Variants in MEF2C observed in about 807,000 individuals in gnomAD.
MEF2C encodes myocyte-specific enhancer factor 2C.
In MEF2C, 6 loss-of-function variants were observed where a neutral mutation model predicts 50.5. That is an observed-to-expected ratio of 0.12 (90% CI 0.07 to 0.23). The LOEUF is 0.23. MEF2C is among the 10% of genes least tolerant of loss of function. MEF2C has a pLI of 1.00. For missense variants in MEF2C, 276 were observed against 605.0 expected, an observed-to-expected ratio of 0.46 and a Z score of 5.70; for synonymous variants, 183 against 228.0, an observed-to-expected ratio of 0.80 and a Z score of 1.78.
intron 6 of MEF2C, chr5:88,738,257 G>A: frequency 1.0e-6 from 1 of 985,280 alleles, no homozygotes. Context: ...GGCAGTCATT[G>A]ACAATCTTAC....
At chr5:88,881,550 T>C (rs553254083) in intron 1 of MEF2C, among the ~76,000 whole-genome samples, 5 of 152,328 alleles carry the variant, frequency 3.3e-5, no homozygotes, top group Non-Finnish European at 7.4e-5. Context: ...TTAGAGATTG[T>C]TGATCTATTT....
chr5:88,746,027 G>A (rs977602579), intron 6 of MEF2C, among the ~76,000 whole-genome samples: 6 of 152,196 alleles, frequency 3.9e-5, no homozygotes, highest in African/African-American at 1.2e-4. Context: ...CTGGAGGGCC[G>A]GGTTCTTGAT....
intron 3 of MEF2C, among the ~76,000 whole-genome samples, chr5:88,789,054 A>G (rs939943183): frequency 6.6e-6 from 1 of 152,216 alleles, no homozygotes; most frequent in African/African-American, 2.4e-5. Flanking sequence ...TTATGATTAA[A>G]TAGTAATATG....
At chr5:88,864,315 GTTA>G (rs1306512554) in intron 1 of MEF2C, among the ~76,000 whole-genome samples, 2 of 151,248 alleles carry the variant, frequency 1.3e-5, no homozygotes, top group Admixed American at 6.6e-5. Flanking sequence ...AATATATACA[GTTA>G]TTATATGTTA....
chr5:88,727,138 T>C (rs190961183), intron 10 of MEF2C, among the ~76,000 whole-genome samples: 1 of 152,264 alleles, frequency 6.6e-6, no homozygotes, highest in East Asian at 1.9e-4. Flanking sequence ...TTGGTGATAA[T>C]TACCTGAAGA....
intron 10 of MEF2C, among the ~76,000 whole-genome samples, chr5:88,727,674 T>A (rs1190088346): frequency 6.6e-6 from 1 of 152,184 alleles, no homozygotes; most frequent in African/African-American, 2.4e-5. Context: ...TATCTTTAAA[T>A]ATTTTATATC....
chr5:88,722,424 T>G lies in MEF2C; in HGVS notation c.*180A>C. 1.7e-6 allele frequency: 1 copy of G among 573,228 alleles called. No homozygotes were observed. Among genetic ancestry groups the G allele is most frequent in the Middle Eastern group, 4.6e-4 (1 of 2,178 alleles). The allele number at this position is 573,228 out of a possible 1,614,324, so 35.5% of individuals were successfully genotyped here. A position where few individuals can be genotyped will look rare whatever the true frequency, so the allele number is the denominator to read the frequency against. On this transcript the variant is annotated 3_prime_UTR_variant, in exon 11 of 11. Coordinates refer to ENST00000504921, the MANE Select transcript of MEF2C (RefSeq NM_002397.5). ...AGTGCTAAGCTTATCTCAGCATTTC[T>G]GTTTATCTTTATACTGTATCACTGA...
intron 1 of MEF2C, among the ~76,000 whole-genome samples, chr5:88,891,436 C>T (rs1467797942): frequency 4.7e-5 from 6 of 128,504 alleles, no homozygotes; most frequent in South Asian, 4.9e-4. Flanking sequence ...CTCGCTCTGT[C>T]GCCCAGGCTT....
intron 3 of MEF2C, among the ~76,000 whole-genome samples, chr5:88,769,092 AG>A (rs1430912467): frequency 6.6e-6 from 1 of 152,224 alleles, no homozygotes; most frequent in Non-Finnish European, 1.5e-5. Flanking sequence ...AAGAGAAAAA[AG>A]GGAGTGATAT....
At chr5:88,778,098 C>T (rs568221211) in intron 3 of MEF2C, among the ~76,000 whole-genome samples, 3 of 151,058 alleles carry the variant, frequency 2.0e-5, no homozygotes, top group South Asian at 2.1e-4. Flanking sequence ...TTAGTAGAGA[C>T]GGGGTTTCAC....
intron 4 of MEF2C, chr5:88,752,623 T>G: frequency 2.0e-6 from 2 of 985,254 alleles, no homozygotes; most frequent in Non-Finnish European, 2.4e-6. Context: ...CATTCAATAA[T>G]TCACATTTTG....
At chr5:88,786,002 C>T (rs1325536600) in intron 3 of MEF2C, among the ~76,000 whole-genome samples, 1 of 152,150 alleles carries the variant, frequency 6.6e-6, no homozygotes, top group African/African-American at 2.4e-5. Context: ...TATTCCACGC[C>T]TATTCCTCTC....
At chr5:88,892,903 G>A (rs1166584116) in intron 1 of MEF2C, among the ~76,000 whole-genome samples, 1 of 152,162 alleles carries the variant, frequency 6.6e-6, no homozygotes, top group Non-Finnish European at 1.5e-5. Context: ...TGGCAACTGG[G>A]TTGGGCAAAA....
intron 6 of MEF2C, chr5:88,739,346 AAAAT>A: frequency 6.1e-6 from 6 of 984,880 alleles, no homozygotes; most frequent in Non-Finnish European, 6.0e-6. Flanking sequence ...CTTTAAAAAA[AAAAT>A]AAAGCAATTT....
At chr5:88,854,495 G>A (rs1822552221) in intron 1 of MEF2C, among the ~76,000 whole-genome samples, 1 of 152,182 alleles carries the variant, frequency 6.6e-6, no homozygotes, top group Admixed American at 6.5e-5. Flanking sequence ...TTCTCTGAAA[G>A]TCAGATGTGG....
At chr5:88,769,255 G>T (rs115567455) in intron 3 of MEF2C, among the ~76,000 whole-genome samples, 564 of 152,270 alleles carry the variant, frequency 3.7e-3, no homozygotes, top group African/African-American at 0.013. Flanking sequence ...CCCCATTCTT[G>T]GATGCTAGTC....
intron 3 of MEF2C, chr5:88,771,562 T>C (rs1782437744): frequency 1.0e-6 from 1 of 985,448 alleles, no homozygotes; most frequent in Non-Finnish European, 1.2e-6. Flanking sequence ...CACCAGGTAG[T>C]GAGTTCTGTG....
At chr5:88,833,960 T>C (rs1483655812) in intron 1 of MEF2C, among the ~76,000 whole-genome samples, 2 of 152,154 alleles carry the variant, frequency 1.3e-5, no homozygotes, top group African/African-American at 2.4e-5. Flanking sequence ...CAGACCTTCA[T>C]TGTGAGCTAA....
intron 2 of MEF2C, among the ~76,000 whole-genome samples, chr5:88,811,935 C>G (rs930174495): frequency 6.6e-6 from 1 of 152,100 alleles, no homozygotes; most frequent in African/African-American, 2.4e-5. Context: ...GCTTAACTTA[C>G]CGGAACCCCA....
Sources: allele counts gnomAD v4.1 joint callset (sites outside exome capture counted in the v4.1 genomes callset), GRCh38; gene constraint gnomAD v4.1.1; transcripts MANE v1.5; gene names NCBI Gene and HGNC (gene_info 2026-07-23, HGNC 2026-07-21).